The following RRP36 variants were observed in gnomAD, a reference collection of about 807,000 sequenced individuals.
RRP36 encodes ribosomal RNA processing 36.
RRP36 carries 44 observed loss-of-function variants against 39.8 expected under a neutral mutation model. The observed-to-expected ratio is 1.10, with a 90% CI of 0.87 to 1.42. The LOEUF (loss-of-function observed/expected upper bound fraction) is 1.42, where lower values mean the gene tolerates loss of function less well. Ranked by LOEUF, RRP36 falls within the 40% of genes most tolerant of loss-of-function variation. The probability of loss-of-function intolerance (pLI) is 0.00; values close to 1 mark genes in which losing one functional copy is unlikely to be tolerated. For synonymous variants in RRP36, 124 were observed against 123.1 expected (o/e 1.01, Z -0.05); for missense variants, 316 against 322.4 (o/e 0.98, Z 0.15).
chr6:43,028,645 C>T (rs1762859860), intron 6 of RRP36, among the ~76,000 whole-genome samples: 1 of 145,982 alleles, frequency 6.9e-6, no homozygotes, highest in Admixed American at 6.9e-5. Context: ...GAGACTCCAT[C>T]TCAAAAAAAA....
In RRP36 at chr6:43,029,354, A is replaced by G; in HGVS notation, c.*126A>G. 1.9e-6 allele frequency: 2 copies of G among 1,069,974 alleles called. No homozygotes were observed. The highest frequency in any genetic ancestry group is 2.7e-6 in the Non-Finnish European group (2 of 735,132). The allele number at this position is 1,069,974 out of a possible 1,614,324, so 66.3% of individuals were successfully genotyped here. A position where few individuals can be genotyped will look rare whatever the true frequency, so the allele number is the denominator to read the frequency against. ...CTGCCCTTGAATCTCATTGCCTCAG[A>G]GAAGACTAGAGGGCTCTTGGACTAT... is the stretch of plus-strand genomic sequence containing the variant. On this transcript the variant is annotated 3_prime_UTR_variant, in exon 7 of 7. Coordinates refer to ENST00000244496, the MANE Select transcript of RRP36 (RefSeq NM_033112.4).
rs775603881 is a variant in RRP36 at position 43,024,968 on chromosome 6, C to T, written c.131-17C>T. ...GACATGCTGAGCTGAGTTGTATGTCCCTCCCCACTTCCACAGGCACATCTA... is the reference window on the plus strand; with the variant it reads ...GACATGCTGAGCTGAGTTGTATGTCTCTCCCCACTTCCACAGGCACATCTA... On this transcript the variant is annotated splice_polypyrimidine_tract_variant and intron_variant, in intron 1 of 6. Coordinates refer to ENST00000244496, the MANE Select transcript of RRP36 (RefSeq NM_033112.4). 1 of 1,612,836 alleles carries T rather than the reference C, an allele frequency of 6.2e-7. No individual in the cohort carries two copies. The highest frequency in any genetic ancestry group is 1.7e-5 in the Admixed American group (1 of 59,988).
chr6:43,027,082 GTGTA>G, intron 4 of RRP36, 92 bp from the exon 5 acceptor site: 1 of 1,033,470 alleles, frequency 9.7e-7, no homozygotes, highest in Non-Finnish European at 1.5e-6. Context: ...ATGTGTGTGT[GTGTA>G]TGTGTGTGAA....
chr6:43,024,494 T>C (rs1347721597), intron 1 of RRP36, among the ~76,000 whole-genome samples: 1 of 152,058 alleles, frequency 6.6e-6, no homozygotes, highest in Admixed American at 6.6e-5. Flanking sequence ...AGTTTATGTG[T>C]GGGAGTGATA....
intron 1 of RRP36, among the ~76,000 whole-genome samples, chr6:43,022,288 C>CG (rs750703741): frequency 1.3e-4 from 20 of 151,316 alleles, no homozygotes; most frequent in South Asian, 4.2e-4. Flanking sequence ...TTAGTAGAGA[C>CG]GGGGTCTCAC....
rs369007391 is a variant in RRP36, at chr6:43,029,186, T to C, written c.738T>C (p.Asn246=). ...TCTTGAGTCGAAAGAGGCGACGAAA[T>C]GCAGGCAAGGACAGGAGACATCTCC... ...ENFLSRKRRR[N]AGKDRRHLPL... The change falls in exon 7 of 7, where the codon AAT becomes AAC. Residue 246 remains asparagine, a synonymous_variant. Transcript: ENST00000244496. 1.5e-4 allele frequency: 237 copies of C among 1,614,094 alleles called. No individual in the cohort carries two copies. Among genetic ancestry groups the C allele is most frequent in the Non-Finnish European group, 1.8e-4 (215 of 1,180,046 alleles).
intron 1 of RRP36, 106 bp downstream of exon 1, chr6:43,021,890 C>A: frequency 1.2e-6 from 1 of 858,972 alleles, no homozygotes; most frequent in Non-Finnish European, 1.5e-6. Flanking sequence ...CTCTAAGAGG[C>A]AGACGCTACA....
Position 43,029,259 on chromosome 6 carries a change from C to T in RRP36, c.*31C>T, listed in dbSNP as rs1435657727. The T allele has an allele frequency of 1.6e-5, 25 of 1,609,482 alleles. No homozygotes were observed. The highest frequency in any genetic ancestry group is 2.0e-5 in the Non-Finnish European group (24 of 1,176,340). On this transcript the variant is annotated 3_prime_UTR_variant, in exon 7 of 7. Transcript: ENST00000244496. ...AACTATCCTCTGCTCTGCCACTGCC[C>T]CAGGGAGACATGGATCTGTGAGGAC...
At chr6:43,023,143 A>C (rs1762757374) in intron 1 of RRP36, among the ~76,000 whole-genome samples, 1 of 151,998 alleles carries the variant, frequency 6.6e-6, no homozygotes, top group Non-Finnish European at 1.5e-5. Context: ...CACACCTGTA[A>C]TCCCAGCACC....
intron 1 of RRP36, among the ~76,000 whole-genome samples, chr6:43,022,264 A>AAT (rs1198062066): frequency 1.3e-5 from 2 of 151,462 alleles, no homozygotes; most frequent in African/African-American, 2.4e-5. Flanking sequence ...ACGCCCGGCT[A>AAT]ATTTTTTGTA....
intron 6 of RRP36, among the ~76,000 whole-genome samples, chr6:43,028,725 C>T (rs1473985433): frequency 6.6e-6 from 1 of 151,192 alleles, no homozygotes; most frequent in Non-Finnish European, 1.5e-5. Context: ...CTGAGGAGAG[C>T]GGATCACCTG....
chr6:43,025,881 C>G (rs988913759), intron 3 of RRP36, among the ~76,000 whole-genome samples, 156 bp from the exon 4 acceptor site: 1 of 151,766 alleles, frequency 6.6e-6, no homozygotes, highest in South Asian at 2.1e-4. Context: ...TGCAGTGAGC[C>G]GAGATTGCAC....
chr6:43,027,018 A>G, intron 4 of RRP36, 160 bp from the exon 5 acceptor site: 1 of 600,400 alleles, frequency 1.7e-6, no homozygotes, highest in Admixed American at 3.0e-5. Context: ...GTGAGCCAAG[A>G]TCACACCACT....
At chr6:43,026,786 C>G (rs907472356) in intron 4 of RRP36, among the ~76,000 whole-genome samples, 1 of 151,648 alleles carries the variant, frequency 6.6e-6, no homozygotes, top group African/African-American at 2.4e-5. Flanking sequence ...AGGTGGATCA[C>G]GAGGTCAGGA....
At chr6:43,025,947 AAG>A in intron 3 of RRP36, 88 bp from the exon 4 acceptor site, 1 of 974,760 alleles carries the variant, frequency 1.0e-6, no homozygotes, top group South Asian at 1.5e-5. Context: ...AGCAAAAAAA[AAG>A]AAAGATGAGG....
chr6:43,024,287 A>G (rs1466161140), intron 1 of RRP36, among the ~76,000 whole-genome samples: 3 of 152,146 alleles, frequency 2.0e-5, no homozygotes, highest in East Asian at 1.9e-4. Context: ...CAGAGGCAAC[A>G]TGTGCAGAGG....
rs747910957 is a variant in RRP36, at chr6:43,025,079, G to T, written c.225G>T (p.Lys75Asn). The stretch of plus-strand genomic sequence containing the variant: ...AATTGGTAGCTGGAAATAGTCCTAA[G>T]AAACAAGCTTCTAGACCACCTATCC... ...YKQLVAGNSP[K>N]KQASRPPIQN... is the part of the protein sequence containing the mutation. Residue 75 changes from lysine to asparagine, a missense_variant, in exon 2 of 7, where the codon AAG (lysine) becomes AAT (asparagine). Physicochemically the swap from Lys to Asn is moderately conservative, Grantham distance 94. Transcript: ENST00000244496. 1 of 1,614,180 alleles carries T rather than the reference G, an allele frequency of 6.2e-7. No homozygotes were observed. The highest frequency in any genetic ancestry group is 2.2e-5 in the East Asian group (1 of 44,882).
Position 43,029,269 on chromosome 6 carries a change from A to C in RRP36, c.*41A>C. Reference sequence around the variant, plus strand: ...TGCTCTGCCACTGCCCCAGGGAGACATGGATCTGTGAGGACAGATTTGGCC... The same window carrying C: ...TGCTCTGCCACTGCCCCAGGGAGACCTGGATCTGTGAGGACAGATTTGGCC... On this transcript the variant is annotated 3_prime_UTR_variant, in exon 7 of 7. Transcript: ENST00000244496. 6.2e-7 allele frequency: 1 copy of C among 1,607,708 alleles called. No homozygotes were observed. The highest frequency in any genetic ancestry group is 8.5e-7 in the Non-Finnish European group (1 of 1,174,998).
chr6:43,029,007 A>G, intron 6 of RRP36, 85 bp from the exon 7 acceptor site: 2 of 1,555,090 alleles, frequency 1.3e-6, no homozygotes, highest in Admixed American at 3.6e-5. Flanking sequence ...TATCCAGCAT[A>G]ATGGCTTGGA....
Sources: allele counts gnomAD v4.1 joint callset (sites outside exome capture counted in the v4.1 genomes callset), GRCh38; gene constraint gnomAD v4.1.1; transcripts MANE v1.5; gene names NCBI Gene and HGNC (gene_info 2026-07-23, HGNC 2026-07-21).